PRDM16: variants seen among roughly 807,000 people sequenced by gnomAD.
PRDM16 encodes the protein PR/SET domain 16.
Under a neutral mutation model 110.6 loss-of-function variants are expected in PRDM16, and 23 were observed. That is an observed-to-expected ratio of 0.21 (90% CI 0.15 to 0.29). The LOEUF is 0.29. PRDM16 is among the 10% of genes least tolerant of loss of function. PRDM16 has a pLI of 1.00. For synonymous variants in PRDM16, 799 were observed against 781.8 expected, an observed-to-expected ratio of 1.02 and a Z score of -0.37; for missense variants, 1,615 against 1,794.3, an observed-to-expected ratio of 0.90 and a Z score of 1.81.
At chr1:3,194,652 C>CACGCCAT (rs1638413353) in intron 2 of PRDM16, among the ~76,000 whole-genome samples, 5 of 148,030 alleles carry the variant, frequency 3.4e-5, no homozygotes, top group African/African-American at 7.4e-5. Context: ...CCACACGCCA[C>CACGCCAT]CGTCTCCCCG....
intron 1 of PRDM16, among the ~76,000 whole-genome samples, chr1:3,139,362 G>A (rs1643501864): frequency 6.6e-6 from 1 of 152,226 alleles, no homozygotes; most frequent in South Asian, 2.1e-4. Context: ...TGGGACCCTG[G>A]GGTGCAGAGA....
rs145988104 is a variant in PRDM16 at position 3,267,258 on chromosome 1, G to A, written c.438+23121G>A. Among the ~76,000 whole-genome samples, 16 of 152,324 alleles carry A rather than the reference G, an allele frequency of 1.1e-4. No homozygotes were observed. The East Asian group carries it at 2.7e-3, about 26-fold the overall frequency. Reference sequence around the variant, plus strand: ...TCTTCTGGACATTTCATCTCATGGAGTCATGCAGCGTGTGGCTCTTATGGC... The same window carrying A: ...TCTTCTGGACATTTCATCTCATGGAATCATGCAGCGTGTGGCTCTTATGGC... On this transcript the variant is annotated intron_variant, in intron 3 of 16. Coordinates refer to ENST00000270722, the MANE Select transcript of PRDM16 (RefSeq NM_022114.4).
At chr1:3,415,056 C>T (rs1047736774) in intron 10 of PRDM16, among the ~76,000 whole-genome samples, 13 of 152,170 alleles carry the variant, frequency 8.5e-5, no homozygotes, top group African/African-American at 2.9e-4. Context: ...TTCAAATGGA[C>T]CGGAAGAGAG....
intron 3 of PRDM16, among the ~76,000 whole-genome samples, chr1:3,373,954 C>T (rs1473422578): frequency 1.3e-5 from 2 of 152,264 alleles, no homozygotes; most frequent in Non-Finnish European, 2.9e-5. Flanking sequence ...GAGCCAACCA[C>T]GCTGCTTCCA....
chr1:3,155,099 C>A (rs1183740182), intron 1 of PRDM16, among the ~76,000 whole-genome samples: 1 of 152,102 alleles, frequency 6.6e-6, no homozygotes, highest in Non-Finnish European at 1.5e-5. Context: ...CCTGGCATCC[C>A]CCCGACCTCT....
intron 8 of PRDM16, among the ~76,000 whole-genome samples, chr1:3,409,774 TGTGTGGGTGTGTG>T (rs1441472967): frequency 2.9e-5 from 4 of 139,582 alleles, no homozygotes; most frequent in African/African-American, 5.5e-5. Context: ...TGTGTGGTTG[TGTGTGGGTGTGTG>T]GTGTGGGTGT....
chr1:3,356,034 A>G (rs1188825814), intron 3 of PRDM16, among the ~76,000 whole-genome samples: 1 of 152,168 alleles, frequency 6.6e-6, no homozygotes, highest in Non-Finnish European at 1.5e-5. Context: ...CCTCCGTGAC[A>G]GGTGATGGAC....
chr1:3,084,815 C>A (rs1330237966), intron 1 of PRDM16, among the ~76,000 whole-genome samples: 1 of 152,222 alleles, frequency 6.6e-6, no homozygotes, highest in Non-Finnish European at 1.5e-5. Context: ...ACGCTGAGCC[C>A]TGCAGGCTGT....
At chr1:3,192,243 A>G (rs1052120246) in intron 2 of PRDM16, among the ~76,000 whole-genome samples, 2 of 152,198 alleles carry the variant, frequency 1.3e-5, no homozygotes, top group Non-Finnish European at 2.9e-5. Flanking sequence ...CCGTGTCGCC[A>G]GCTCATCTGG....
intron 1 of PRDM16, among the ~76,000 whole-genome samples, chr1:3,162,099 G>A (rs1012407696): frequency 6.6e-6 from 1 of 152,146 alleles, no homozygotes; most frequent in Non-Finnish European, 1.5e-5. Context: ...GCTAATTGTG[G>A]TAAAATATAC....
chr1:3,258,587 A>C (rs1487879131), intron 3 of PRDM16, among the ~76,000 whole-genome samples: 1 of 152,014 alleles, frequency 6.6e-6, no homozygotes, highest in Non-Finnish European at 1.5e-5. Flanking sequence ...TTATGTTGGA[A>C]CCTCGCCTCT....
At chr1:3,104,382 G>A (rs1405983382) in intron 1 of PRDM16, among the ~76,000 whole-genome samples, 2 of 152,218 alleles carry the variant, frequency 1.3e-5, no homozygotes, top group South Asian at 2.1e-4. Flanking sequence ...GAAGGCAAGC[G>A]CCTCCGTGCA....
intron 3 of PRDM16, among the ~76,000 whole-genome samples, chr1:3,302,059 C>T (rs958604380): frequency 6.6e-6 from 1 of 151,608 alleles, no homozygotes; most frequent in African/African-American, 2.4e-5. Flanking sequence ...CTCTTCTATG[C>T]AGTTGCCAGG....
At chr1:3,354,247 G>A (rs1388822361) in intron 3 of PRDM16, among the ~76,000 whole-genome samples, 1 of 152,130 alleles carries the variant, frequency 6.6e-6, no homozygotes, top group African/African-American at 2.4e-5. Context: ...ATCACCTGAG[G>A]TCAGGAGTTT....
In PRDM16 at chr1:3,426,165, A is replaced by G. The variant is rs1170003880; in HGVS notation, c.3224A>G (p.Glu1075Gly). ...GAGAAAGAAGACTCTTATTTCTCGG[A>G]AATCAGAAACTTTATTGCCAATAGT... ...LDEKEDSYFS[E>G]IRNFIANSEM... The change falls in exon 14 of 17, where the codon GAA (glutamate) becomes GGA (glycine). Residue 1075 changes from glutamate to glycine, a missense_variant. By Grantham distance (98) the Glu-to-Gly change is moderately conservative. Coordinates refer to ENST00000270722, the MANE Select transcript of PRDM16 (RefSeq NM_022114.4). 1.2e-6 allele frequency: 2 copies of G among 1,613,886 alleles called. No individual in the cohort carries two copies. The highest frequency in any genetic ancestry group is 2.2e-5 in the East Asian group (1 of 44,878).
intron 3 of PRDM16, among the ~76,000 whole-genome samples, chr1:3,285,588 G>A (rs1295488048): frequency 4.6e-5 from 7 of 152,104 alleles, no homozygotes; most frequent in Non-Finnish European, 5.9e-5. Flanking sequence ...GGGCTTCTTC[G>A]CTCACACCCG....
At chr1:3,134,191 T>C (rs1444256156) in intron 1 of PRDM16, among the ~76,000 whole-genome samples, 5 of 151,658 alleles carry the variant, frequency 3.3e-5, no homozygotes, top group African/African-American at 9.7e-5. Context: ...TGATGTCCAG[T>C]GGGAAGGGGA....
At position 3,201,549 on chromosome 1, in the gene PRDM16, G is replaced by A. The variant is rs557977232; in HGVS notation, c.387+15075G>A. ...CAGGAATGATGTCAGCTGTGGGGAG[G>A]ACAGGAGGGCCACCCGGGGCAGCTG... On this transcript the variant is annotated intron_variant, in intron 2 of 16. Transcript: ENST00000270722. The surrounding 1 kb of genome is among the most constrained non-coding windows in gnomAD (Gnocchi z 4.1). 7.5e-4 allele frequency among the ~76,000 whole-genome samples: 114 copies of A among 152,318 alleles called. 1 individual carries two copies. The highest frequency in any genetic ancestry group is 3.7e-3 in the Admixed American group (57 of 15,306).
intron 6 of PRDM16, 117 bp from the exon 7 acceptor site, chr1:3,404,622 C>T: frequency 7.8e-7 from 1 of 1,287,146 alleles, no homozygotes; most frequent in Non-Finnish European, 1.1e-6. Context: ...GCTCTGATCC[C>T]TCGGCAGCGT....
Sources: gnomAD v4.1 joint callset for allele counts (sites outside exome capture counted in the v4.1 genomes callset) on GRCh38, gnomAD v4.1.1 for gene constraint, Gnocchi (gnomAD v3.1) non-coding constraint, MANE v1.5 for transcripts, NCBI Gene and HGNC (gene_info 2026-07-23, HGNC 2026-07-21) for gene names.